PCDH7: variants seen among roughly 807,000 people sequenced by gnomAD.
PCDH7 encodes protocadherin 7.
A neutral mutation model predicts 58.9 loss-of-function variants in PCDH7; 17 were observed. The observed-to-expected ratio is 0.29, with a 90% CI of 0.20 to 0.43. The LOEUF is 0.43. Ranked by LOEUF, PCDH7 falls within the 20% of genes least tolerant of loss-of-function variation. The pLI, the probability that PCDH7 is intolerant of heterozygous loss-of-function variation, is 1.00. For synonymous variants in PCDH7, 664 were observed against 616.4 expected (o/e 1.08, Z -1.14); for missense variants, 1,274 against 1,441.0 (o/e 0.88, Z 1.88).
intron 3 of PCDH7, among the ~76,000 whole-genome samples, chr4:31,030,610 G>GA (rs1214468052): frequency 6.6e-5 from 10 of 152,106 alleles, no homozygotes; most frequent in Non-Finnish European, 1.5e-4. Context: ...AAAAAAGACT[G>GA]AAAGTTTTAG....
intron 1 of PCDH7, among the ~76,000 whole-genome samples, chr4:30,891,952 A>G (rs1578190560): frequency 1.3e-5 from 2 of 151,970 alleles, no homozygotes; most frequent in Non-Finnish European, 2.9e-5. Flanking sequence ...TGGATTTTAC[A>G]TAGTATAGAT....
At chr4:30,815,798 G>A (rs920641541) in intron 1 of PCDH7, among the ~76,000 whole-genome samples, 2 of 152,160 alleles carry the variant, frequency 1.3e-5, no homozygotes, top group African/African-American at 4.8e-5. Context: ...GGGAACCTGC[G>A]TTTCAGCTGG....
intron 1 of PCDH7, among the ~76,000 whole-genome samples, chr4:30,830,620 C>CA (rs1489976645): frequency 3.9e-5 from 6 of 151,980 alleles, no homozygotes; most frequent in African/African-American, 1.4e-4. Context: ...TCCTGCTCTG[C>CA]AGTGCTAACA....
chr4:31,104,679 T>C (rs1197088818), intron 3 of PCDH7, among the ~76,000 whole-genome samples: 1 of 152,154 alleles, frequency 6.6e-6, no homozygotes, highest in African/African-American at 2.4e-5. Flanking sequence ...ACACTGAGCT[T>C]TCTAAGAGCG....
rs927743468 is a variant in PCDH7, at chr4:31,089,512, A to T, written c.*8-52961A>T. Among the ~76,000 whole-genome samples, 4 of 152,082 alleles carry T rather than the reference A, an allele frequency of 2.6e-5. 1 individual carries two copies. The East Asian group carries it at 7.7e-4, about 29-fold the overall frequency. On this transcript the variant is annotated intron_variant, in intron 3 of 3. Coordinates refer to the PCDH7 transcript ENST00000509759. ...TCTGTACTGAAAAGTGCTATATTAG[A>T]TGCTGTATATAAAATGCTGTATATT...
intron 3 of PCDH7, among the ~76,000 whole-genome samples, chr4:30,954,858 T>C (rs931327719): frequency 2.0e-5 from 3 of 152,176 alleles, no homozygotes; most frequent in Admixed American, 2.0e-4. Context: ...CCCTGGAGCA[T>C]GGTTTCCTCA....
downstream of PCDH7, among the ~76,000 whole-genome samples, chr4:30,735,606 T>A (rs1484371609): frequency 6.6e-6 from 1 of 152,120 alleles, no homozygotes. Context: ...CTCACAGAGA[T>A]CAATAGTCCT....
chr4:30,721,200 G>C lies in PCDH7; in HGVS notation c.-223G>C. Reference sequence around the variant, plus strand: ...CATGAATTATGAAACAATAACTTTCGGAAGAAGCAGGAGGAAAAAAAGAAG... The same window carrying C: ...CATGAATTATGAAACAATAACTTTCCGAAGAAGCAGGAGGAAAAAAAGAAG... On this transcript the variant is annotated 5_prime_UTR_variant, in exon 1 of 2. Transcript: ENST00000361762. The surrounding 1 kb of genome is among the most constrained non-coding windows in gnomAD (Gnocchi z 6.7). 1.9e-6 allele frequency: 1 copy of C among 533,424 alleles called. No individual in the cohort carries two copies. Among genetic ancestry groups the C allele is most frequent in the South Asian group, 2.8e-5 (1 of 35,684 alleles). The allele number at this position is 533,424 out of a possible 1,614,324, so 33.0% of individuals were successfully genotyped here. A position where few individuals can be genotyped will look rare whatever the true frequency, so the allele number is the denominator to read the frequency against.
downstream of PCDH7, among the ~76,000 whole-genome samples, chr4:30,736,747 A>C (rs148686766): frequency 0.017 from 2,575 of 152,058 alleles, 64 homozygotes; most frequent in African/African-American, 0.059. Context: ...CGTGTCAGCC[A>C]GGATGGTCTC....
intron 1 of PCDH7, among the ~76,000 whole-genome samples, chr4:30,777,139 C>T (rs906342101): frequency 5.9e-5 from 9 of 152,098 alleles, no homozygotes; most frequent in Middle Eastern, 3.4e-3. Flanking sequence ...CCAATACTGC[C>T]GTTTTAGATC....
chr4:30,735,245 G>A (rs992598623), downstream of PCDH7, among the ~76,000 whole-genome samples: 2 of 152,128 alleles, frequency 1.3e-5, no homozygotes, highest in Non-Finnish European at 2.9e-5. Flanking sequence ...CTCTGTTTTC[G>A]TCAACTGATA....
intron 1 of PCDH7, among the ~76,000 whole-genome samples, chr4:30,791,596 C>T (rs2109298938): frequency 6.6e-6 from 1 of 152,222 alleles, no homozygotes; most frequent in East Asian, 1.9e-4. Flanking sequence ...AAAAGATAAC[C>T]CTGATCCTTC....
At chr4:30,748,032 A>G (rs9291547) in intron 1 of PCDH7, among the ~76,000 whole-genome samples, 91,001 of 152,160 alleles carry the variant, frequency 0.6, 29,307 homozygotes, top group African/African-American at 0.85. Flanking sequence ...AAGTTTAAGC[A>G]ATCAGTTATT....
At chr4:31,009,116 G>T (rs554479166) in intron 3 of PCDH7, among the ~76,000 whole-genome samples, 3 of 151,994 alleles carry the variant, frequency 2.0e-5, no homozygotes, top group Non-Finnish European at 4.4e-5. Context: ...ATAACACTTG[G>T]TCTGCGTAAT....
intron 1 of PCDH7, among the ~76,000 whole-genome samples, chr4:30,894,481 AAAAAAAAAAATATATATATATATAT>A (rs1739049605): frequency 1.8e-5 from 1 of 57,036 alleles, no homozygotes; most frequent in Non-Finnish European, 3.4e-5. Flanking sequence ...AAAAAAAAAA[AAAAAAAAAAATATATATATATATAT>A]ATATATATAT....
At chr4:30,829,179 TTG>T (rs571054299) in intron 1 of PCDH7, among the ~76,000 whole-genome samples, 156 of 152,102 alleles carry the variant, frequency 1.0e-3, no homozygotes, top group African/African-American at 3.6e-3. Flanking sequence ...ATCCTGGGAT[TTG>T]TGTGTGCTGA....
chr4:31,085,837 TTCTC>T (rs376691150), intron 3 of PCDH7, among the ~76,000 whole-genome samples: 524 of 145,440 alleles, frequency 3.6e-3, no homozygotes, highest in African/African-American at 0.012. Flanking sequence ...TCAGACTCTT[TTCTC>T]TCTCTCTCTC....
At chr4:30,847,203 T>G (rs2109343282) in intron 1 of PCDH7, among the ~76,000 whole-genome samples, 1 of 152,282 alleles carries the variant, frequency 6.6e-6, no homozygotes, top group South Asian at 2.1e-4. Context: ...ATAATGCTAC[T>G]ATCAGATTTT....
intron 3 of PCDH7, among the ~76,000 whole-genome samples, chr4:31,107,449 T>G (rs1352863545): frequency 6.6e-6 from 1 of 152,150 alleles, no homozygotes; most frequent in Non-Finnish European, 1.5e-5. Flanking sequence ...GTTTTGATAA[T>G]TATAATGAGT....
Sources: allele counts gnomAD v4.1 joint callset (sites outside exome capture counted in the v4.1 genomes callset), GRCh38; gene constraint gnomAD v4.1.1; non-coding constraint Gnocchi (gnomAD v3.1); transcripts MANE v1.5; gene names NCBI Gene and HGNC (gene_info 2026-07-23, HGNC 2026-07-21).